The following NAALADL2 variants were observed in gnomAD, a reference collection of about 807,000 sequenced individuals.
The protein encoded by NAALADL2 is N-acetylated alpha-linked acidic dipeptidase like 2, also known as inactive N-acetylated-alpha-linked acidic dipeptidase-like protein 2.
A neutral mutation model predicts 87.2 loss-of-function variants in NAALADL2; 76 were observed. That is an observed-to-expected ratio of 0.87 (90% CI 0.72 to 1.05). The LOEUF is 1.05. Ranked by LOEUF, NAALADL2 falls within the 50% of genes least tolerant of loss-of-function variation. The pLI is 0.00. For missense variants in NAALADL2, 1,089 were observed against 945.8 expected (o/e 1.15, Z -1.99); for synonymous variants, 354 against 331.0 (o/e 1.07, Z -0.75).
chr3:174,692,583 C>G (rs1473186523), intron 2 of NAALADL2, among the ~76,000 whole-genome samples: 1 of 152,016 alleles, frequency 6.6e-6, no homozygotes, highest in Non-Finnish European at 1.5e-5. Context: ...TATTTTAAGT[C>G]TTTTGGCTTA....
At chr3:174,551,828 T>C (rs1480615670) in intron 2 of NAALADL2, among the ~76,000 whole-genome samples, 1 of 152,240 alleles carries the variant, frequency 6.6e-6, no homozygotes, top group Admixed American at 6.5e-5. Flanking sequence ...TGCTGAGTTT[T>C]ATTGATATTC....
chr3:175,603,826 TA>T (rs373563836), intron 10 of NAALADL2, among the ~76,000 whole-genome samples: 1,928 of 150,944 alleles, frequency 0.013, 51 homozygotes, highest in African/African-American at 0.045. Flanking sequence ...ACCCCATCTA[TA>T]AAAAAAAACC....
intron 2 of NAALADL2, among the ~76,000 whole-genome samples, chr3:175,111,549 T>G (rs1316669217): frequency 1.3e-5 from 2 of 151,732 alleles, no homozygotes; most frequent in Non-Finnish European, 3.0e-5. Context: ...CTTTTTCAGA[T>G]AGCTACTGAC....
At chr3:174,992,665 CTT>C (rs1746894049) in intron 1 of NAALADL2, among the ~76,000 whole-genome samples, 1 of 151,828 alleles carries the variant, frequency 6.6e-6, no homozygotes, top group South Asian at 2.1e-4. Context: ...TAATAATCAA[CTT>C]TTTCAAAATT....
At chr3:175,472,302 C>A (rs1372374568) in intron 9 of NAALADL2, among the ~76,000 whole-genome samples, 1 of 152,002 alleles carries the variant, frequency 6.6e-6, no homozygotes, top group Non-Finnish European at 1.5e-5. Flanking sequence ...TTTTATGTTT[C>A]ATTGGAGTTA....
chr3:175,501,925 A>T (rs1729602947), intron 9 of NAALADL2, among the ~76,000 whole-genome samples: 1 of 152,158 alleles, frequency 6.6e-6, no homozygotes, highest in Admixed American at 6.6e-5. Flanking sequence ...AAGTACTATC[A>T]TGGAAACCAA....
chr3:174,622,232 T>C (rs1254552357), intron 2 of NAALADL2, among the ~76,000 whole-genome samples: 1 of 152,236 alleles, frequency 6.6e-6, no homozygotes, highest in African/African-American at 2.4e-5. Context: ...TTAAAGGGTC[T>C]TCTTAGAATG....
At chr3:174,507,653 A>G (rs1578047932) in intron 1 of NAALADL2, among the ~76,000 whole-genome samples, 1 of 125,368 alleles carries the variant, frequency 8.0e-6, no homozygotes, top group South Asian at 2.3e-4. Flanking sequence ...AAAAGACTAC[A>G]GCAGATAGTC....
In NAALADL2 at chr3:174,791,269, T is replaced by G. The variant is rs111378417; in HGVS notation, c.-9+53523T>G. Among the ~76,000 whole-genome samples the G allele has an allele frequency of 7.2e-3, 1,104 of 152,324 alleles. 15 individuals are homozygous for G. The highest frequency in any genetic ancestry group is 0.025 in the African/African-American group (1,057 of 41,578). On this transcript the variant is annotated intron_variant, in intron 3 of 3. Coordinates refer to the NAALADL2 transcript ENST00000434257. ...CTCTCTGGGTATTCTCCTGTGCAACTGCTGTGGTCTGAATGTTCGCATTCT... is the reference window on the plus strand; with the variant it reads ...CTCTCTGGGTATTCTCCTGTGCAACGGCTGTGGTCTGAATGTTCGCATTCT...
intron 11 of NAALADL2, among the ~76,000 whole-genome samples, chr3:175,682,192 A>T (rs1735686028): frequency 1.3e-5 from 2 of 152,100 alleles, no homozygotes; most frequent in Admixed American, 1.3e-4. Context: ...ATTCCAAATA[A>T]GAAGTCATCT....
chr3:174,951,259 T>C (rs1189305510), intron 1 of NAALADL2, among the ~76,000 whole-genome samples: 2 of 152,088 alleles, frequency 1.3e-5, no homozygotes, highest in Non-Finnish European at 2.9e-5. Context: ...TCATGTTAAG[T>C]TGAGACGTGA....
At chr3:175,108,302 A>G (rs116143856) in intron 2 of NAALADL2, among the ~76,000 whole-genome samples, 1,528 of 152,084 alleles carry the variant, frequency 0.01, 26 homozygotes, top group African/African-American at 0.035. Context: ...ATTAGAAATA[A>G]AGAAAGAAAA....
intron 5 of NAALADL2, among the ~76,000 whole-genome samples, chr3:175,339,337 C>T (rs1250856455): frequency 2.6e-5 from 4 of 152,124 alleles, no homozygotes; most frequent in Non-Finnish European, 4.4e-5. Flanking sequence ...AAAGGTCCTA[C>T]GTTGTTTGTT....
intron 11 of NAALADL2, among the ~76,000 whole-genome samples, chr3:175,654,627 G>A (rs1476375922): frequency 6.6e-5 from 10 of 152,134 alleles, no homozygotes; most frequent in Non-Finnish European, 1.5e-4. Flanking sequence ...ATCGCAATTG[G>A]CATCGCTGTA....
chr3:174,902,085 G>C (rs1182931681), intron 1 of NAALADL2, among the ~76,000 whole-genome samples: 2 of 152,126 alleles, frequency 1.3e-5, no homozygotes, highest in African/African-American at 4.8e-5. Context: ...GTCTGATGCA[G>C]GGCATGATCT....
chr3:174,643,344 A>G (rs505581), intron 2 of NAALADL2, among the ~76,000 whole-genome samples: 65,160 of 151,928 alleles, frequency 0.43, 14,416 homozygotes, highest in East Asian at 0.65. Flanking sequence ...ACTACAGTAT[A>G]TTGATTTTGG....
chr3:175,011,252 C>CAG (rs146111801), intron 1 of NAALADL2, among the ~76,000 whole-genome samples: 1 of 95,766 alleles, frequency 1.0e-5, no homozygotes, highest in African/African-American at 4.6e-5. Flanking sequence ...GGGAGAGAGA[C>CAG]AGAGAGAGAG....
chr3:175,332,484 A>G (rs1362403872), intron 5 of NAALADL2, among the ~76,000 whole-genome samples: 4 of 152,318 alleles, frequency 2.6e-5, no homozygotes, highest in African/African-American at 9.6e-5. Flanking sequence ...TATTATTTGT[A>G]GAGACAAGGT....
intron 9 of NAALADL2, among the ~76,000 whole-genome samples, chr3:175,502,631 G>T (rs1481917936): frequency 6.6e-6 from 1 of 152,066 alleles, no homozygotes; most frequent in Non-Finnish European, 1.5e-5. Context: ...CACTGCATAT[G>T]TTGGAACTTC....
Sources: allele counts gnomAD v4.1 joint callset (sites outside exome capture counted in the v4.1 genomes callset), GRCh38; gene constraint gnomAD v4.1.1; transcripts MANE v1.5; gene names NCBI Gene and HGNC (gene_info 2026-07-23, HGNC 2026-07-21).